Variants in BMPR1A observed in about 807,000 individuals in gnomAD.
BMPR1A encodes bone morphogenetic protein receptor type-1A.
BMPR1A carries 7 observed loss-of-function variants against 66.0 expected under a neutral mutation model. That is an observed-to-expected ratio of 0.11 (90% CI 0.06 to 0.20). The LOEUF (loss-of-function observed/expected upper bound fraction) is 0.20, where lower values mean the gene tolerates loss of function less well. Among genes scored for constraint, BMPR1A ranks in the 10% least tolerant of loss-of-function variants. The pLI is 1.00. For missense variants in BMPR1A, 408 were observed against 669.1 expected (o/e 0.61, Z 4.31); for synonymous variants, 200 against 229.7 (o/e 0.87, Z 1.17).
chr10:86,758,367 A>ATTTT (rs200528013), intron 1 of BMPR1A, among the ~76,000 whole-genome samples: 15 of 141,010 alleles, frequency 1.1e-4, no homozygotes, highest in Non-Finnish European at 1.7e-4. Flanking sequence ...AAGAGGGAGA[A>ATTTT]TTTTTTTTTT....
intron 3 of BMPR1A, among the ~76,000 whole-genome samples, chr10:86,887,628 TC>T (rs1445911634): frequency 3.9e-5 from 6 of 152,212 alleles, no homozygotes; most frequent in African/African-American, 1.4e-4. Context: ...CTTGAACCCT[TC>T]ACTTCTTGCT....
chr10:86,805,199 A>G (rs1841872089), intron 1 of BMPR1A, among the ~76,000 whole-genome samples: 1 of 152,190 alleles, frequency 6.6e-6, no homozygotes, highest in Admixed American at 6.5e-5. Context: ...ACTGGTGGTT[A>G]GAACTTGAAT....
intron 1 of BMPR1A, among the ~76,000 whole-genome samples, chr10:86,766,003 T>TTTTTTTTTTTTTTGG (rs1216917042): frequency 6.0e-5 from 9 of 150,952 alleles, no homozygotes; most frequent in East Asian, 2.0e-4. Context: ...TTTTTTTTTT[T>TTTTTTTTTTTTTTGG]GAGGGAAGGT....
chr10:86,776,705 T>C (rs1395522042), intron 1 of BMPR1A, among the ~76,000 whole-genome samples: 1 of 152,210 alleles, frequency 6.6e-6, no homozygotes, highest in African/African-American at 2.4e-5. Context: ...ATCTTGTAGT[T>C]TTCCATGGAA....
intron 10 of BMPR1A, 87 bp from the exon 11 acceptor site, chr10:86,921,429 AAAAG>A (rs1843663371): frequency 6.4e-7 from 1 of 1,554,120 alleles, no homozygotes; most frequent in Admixed American, 1.7e-5. Context: ...CCCAAGGAGA[AAAAG>A]AAGCTTTTAT....
chr10:86,885,234 AAAATC>A (rs1843054270), intron 3 of BMPR1A, among the ~76,000 whole-genome samples: 1 of 152,356 alleles, frequency 6.6e-6, no homozygotes, highest in South Asian at 2.1e-4. Context: ...TGATTGAAGA[AAAATC>A]AAGGGAATAT....
intron 1 of BMPR1A, among the ~76,000 whole-genome samples, chr10:86,782,222 C>T (rs981662583): frequency 1.1e-4 from 16 of 152,182 alleles, no homozygotes; most frequent in Non-Finnish European, 2.2e-4. Flanking sequence ...TTTGTTGATC[C>T]ATTTATCTGT....
intron 1 of BMPR1A, among the ~76,000 whole-genome samples, chr10:86,780,091 T>G (rs554085963): frequency 6.6e-6 from 1 of 152,088 alleles, no homozygotes; most frequent in Non-Finnish European, 1.5e-5. Context: ...TCATTTGTTT[T>G]TTGGCCATTT....
At chr10:86,768,902 T>C (rs1209240583) in intron 1 of BMPR1A, among the ~76,000 whole-genome samples, 1 of 139,740 alleles carries the variant, frequency 7.2e-6, no homozygotes, top group Non-Finnish European at 1.5e-5. Context: ...AAATGAATGA[T>C]GAGTGCAGTT....
At chr10:86,809,613 C>CTCTTTTT (rs1554880811) in intron 1 of BMPR1A, among the ~76,000 whole-genome samples, 49,758 of 106,336 alleles carry the variant, frequency 0.47, 9,938 homozygotes, top group East Asian at 0.74. Flanking sequence ...TTTTTTTTTT[C>CTCTTTTT]TCTTTTTTCT....
chr10:86,855,951 A>C (rs1842634489), intron 2 of BMPR1A: 2 of 637,486 alleles, frequency 3.1e-6, no homozygotes, highest in African/African-American at 3.7e-5. Flanking sequence ...TTACTGCATA[A>C]CTATTTCTTT....
At chr10:86,780,520 C>T (rs559624819) in intron 1 of BMPR1A, among the ~76,000 whole-genome samples, 28 of 152,156 alleles carry the variant, frequency 1.8e-4, no homozygotes, top group East Asian at 7.7e-4. Flanking sequence ...CTGCAACCTC[C>T]GCCTCCCAGG....
chr10:86,883,640 A>T (rs1253696935), intron 3 of BMPR1A, among the ~76,000 whole-genome samples: 1 of 143,490 alleles, frequency 7.0e-6, no homozygotes, highest in African/African-American at 2.6e-5. Context: ...GCGTGGTGGC[A>T]GGCGCCTGTA....
intron 1 of BMPR1A, among the ~76,000 whole-genome samples, chr10:86,772,842 G>T (rs944494518): frequency 6.6e-6 from 1 of 151,844 alleles, no homozygotes; most frequent in Non-Finnish European, 1.5e-5. Context: ...AATGCTTACA[G>T]AACAAATTGA....
At chr10:86,759,615 TCTG>T (rs1176289745) in intron 1 of BMPR1A, among the ~76,000 whole-genome samples, 2 of 152,258 alleles carry the variant, frequency 1.3e-5, no homozygotes, top group African/African-American at 4.8e-5. Context: ...TTGTAACTCT[TCTG>T]CTCTCTATTC....
rs371646279 is a variant in BMPR1A at position 86,917,823 on chromosome 10, T to C, written c.868+497T>C. ...CTGAGTTTTCTTTTCCCTTCACCTCTTGTTTTCCTCCCTTTAATTTGGAGA... is the reference window on the plus strand; with the variant it reads ...CTGAGTTTTCTTTTCCCTTCACCTCCTGTTTTCCTCCCTTTAATTTGGAGA... On this transcript the variant is annotated intron_variant, in intron 9 of 12. Transcript: ENST00000372037. 3.3e-3 allele frequency among the ~76,000 whole-genome samples: 497 copies of C among 152,318 alleles called. 2 individuals are homozygous for C. The highest frequency in any genetic ancestry group is 0.011 in the African/African-American group (461 of 41,560).
intron 8 of BMPR1A, among the ~76,000 whole-genome samples, chr10:86,914,126 A>AC (rs975248338): frequency 6.6e-6 from 1 of 152,074 alleles, no homozygotes; most frequent in African/African-American, 2.4e-5. Flanking sequence ...TTAAAAAAAA[A>AC]AAAACAAAAA....
chr10:86,852,186 T>C (rs909513057), intron 2 of BMPR1A, among the ~76,000 whole-genome samples: 1 of 152,080 alleles, frequency 6.6e-6, no homozygotes, highest in Non-Finnish European at 1.5e-5. Context: ...TTTACTAGGC[T>C]ATACAGCAAG....
intron 1 of BMPR1A, among the ~76,000 whole-genome samples, chr10:86,789,154 C>A (rs71473277): frequency 0.099 from 15,108 of 152,078 alleles, 1,590 homozygotes; most frequent in African/African-American, 0.27. Context: ...CAAAATGAAT[C>A]AAAAACCTAA....
Sources: gnomAD v4.1 joint callset for allele counts (sites outside exome capture counted in the v4.1 genomes callset) on GRCh38, gnomAD v4.1.1 for gene constraint, MANE v1.5 for transcripts, NCBI Gene and HGNC (gene_info 2026-07-23, HGNC 2026-07-21) for gene names.